Variants in TTC29 observed in about 807,000 individuals in gnomAD.
TTC29 encodes tetratricopeptide repeat domain 29.
In TTC29, 49 loss-of-function variants were observed where a neutral mutation model predicts 58.1. The observed-to-expected ratio is 0.84, with a 90% CI of 0.67 to 1.07. The LOEUF (loss-of-function observed/expected upper bound fraction) is 1.07. TTC29 is among the 50% of genes least tolerant of loss of function. TTC29 has a pLI of 0.00. For synonymous variants in TTC29, 209 were observed against 196.8 expected (o/e 1.06, Z -0.52); for missense variants, 582 against 555.6 (o/e 1.05, Z -0.48).
chr4:146,927,787 G>T (rs932563251), intron 4 of TTC29, among the ~76,000 whole-genome samples: 5 of 152,126 alleles, frequency 3.3e-5, no homozygotes, highest in Admixed American at 3.3e-4. Context: ...AGCTTGCCCA[G>T]TACACAAGGC....
At chr4:146,853,123 A>G (rs772269908) in intron 8 of TTC29, among the ~76,000 whole-genome samples, 14 of 152,164 alleles carry the variant, frequency 9.2e-5, no homozygotes, top group Non-Finnish European at 1.6e-4. Flanking sequence ...ATGGAAAGAT[A>G]TAATAGTTTA....
At chr4:146,798,886 C>CAAAAAAAA (rs70958529) in intron 11 of TTC29, among the ~76,000 whole-genome samples, 2 of 18,264 alleles carry the variant, frequency 1.1e-4, no homozygotes, top group African/African-American at 4.3e-4. Context: ...GACTCCGTCT[C>CAAAAAAAA]AAAAAAAAAA....
intron 6 of TTC29, among the ~76,000 whole-genome samples, chr4:146,887,155 T>C (rs1023760743): frequency 1.3e-5 from 2 of 152,168 alleles, no homozygotes; most frequent in Admixed American, 1.3e-4. Flanking sequence ...TTTGTGCCTA[T>C]AGATAATAAT....
intron 4 of TTC29, among the ~76,000 whole-genome samples, chr4:146,923,387 T>C (rs951652995): frequency 3.3e-5 from 5 of 151,780 alleles, no homozygotes; most frequent in Middle Eastern, 3.4e-3. Context: ...AAGTAGAGTT[T>C]ATCTCAGAAT....
intron 6 of TTC29, among the ~76,000 whole-genome samples, chr4:146,877,510 G>A (rs542833810): frequency 4.6e-5 from 7 of 151,960 alleles, no homozygotes; most frequent in Middle Eastern, 6.8e-3. Flanking sequence ...TCTCTCCCAC[G>A]TAGCACCTCT....
chr4:146,757,134 T>C (rs61305625), intron 11 of TTC29, among the ~76,000 whole-genome samples: 2 of 152,118 alleles, frequency 1.3e-5, no homozygotes, highest in Non-Finnish European at 2.9e-5. Flanking sequence ...AGGGTTGTTT[T>C]TCTGGTTTCT....
chr4:146,728,785 GTATATATACGTATATATACACA>G lies in TTC29; in HGVS notation c.1331-21256_1331-21235del, dbSNP rs1561066220. On this transcript the variant is annotated intron_variant, in intron 11 of 12. Transcript: ENST00000325106. Reference sequence around the variant, plus strand: ...TACATATATATACACATATATATGTGTATATATACGTATATATACACATATATATGTGTATATATACATATAT... The same window carrying G: ...TACATATATATACACATATATATGTGTATATATGTGTATATATACATATAT... Among the ~76,000 whole-genome samples the G allele has an allele frequency of 6.7e-5, 8 of 119,268 alleles. 1 individual carries two copies. The highest frequency in any genetic ancestry group is 1.6e-4 in the Admixed American group (2 of 12,382). The allele number at this position is 119,268 out of a possible 152,430, so 78.2% of individuals were successfully genotyped here.
chr4:146,865,696 A>G (rs1730520073), intron 8 of TTC29, among the ~76,000 whole-genome samples: 1 of 152,210 alleles, frequency 6.6e-6, no homozygotes, highest in Admixed American at 6.5e-5. Flanking sequence ...AGACTCGTCT[A>G]TAGTTAATAA....
intron 8 of TTC29, among the ~76,000 whole-genome samples, chr4:146,857,932 TA>T (rs1729977884): frequency 6.6e-6 from 1 of 152,182 alleles, no homozygotes; most frequent in African/African-American, 2.4e-5. Flanking sequence ...AATACAAAGA[TA>T]AATTTAGGTA....
chr4:146,721,699 A>T (rs533580296), intron 11 of TTC29, among the ~76,000 whole-genome samples: 31 of 152,290 alleles, frequency 2.0e-4, no homozygotes, highest in Non-Finnish European at 4.3e-4. Context: ...ACATATAGTA[A>T]AGACAAAGCT....
intron 7 of TTC29, 35 bp from the exon 8 acceptor site, chr4:146,867,618 C>T (rs1299675413): frequency 2.0e-6 from 2 of 1,000,886 alleles, no homozygotes; most frequent in Non-Finnish European, 2.9e-6. Context: ...ACCAAGTATT[C>T]AATAAATGAT....
intron 11 of TTC29, among the ~76,000 whole-genome samples, chr4:146,778,672 T>C (rs980795357): frequency 4.9e-4 from 75 of 152,260 alleles, no homozygotes; most frequent in African/African-American, 1.7e-3. Context: ...ATTTACTTTC[T>C]AGAAATGATG....
chr4:146,870,338 G>A (rs1050410023), intron 7 of TTC29, among the ~76,000 whole-genome samples: 6 of 152,078 alleles, frequency 3.9e-5, no homozygotes, highest in Admixed American at 2.6e-4. Context: ...AAACCAAAAT[G>A]TATGGGATAC....
chr4:146,795,741 AGAAATCTTATG>A (rs1287196528), intron 11 of TTC29, among the ~76,000 whole-genome samples: 1 of 152,216 alleles, frequency 6.6e-6, no homozygotes, highest in Admixed American at 6.5e-5. Context: ...TTTTTTCAGA[AGAAATCTTATG>A]GACCAAGAAC....
chr4:146,922,873 AT>A (rs1734687644), intron 4 of TTC29, among the ~76,000 whole-genome samples: 1 of 151,986 alleles, frequency 6.6e-6, no homozygotes, highest in South Asian at 2.1e-4. Flanking sequence ...TTTTACATAA[AT>A]AGGCACTTAT....
At chr4:146,758,780 T>C (rs1746645020) in intron 11 of TTC29, among the ~76,000 whole-genome samples, 1 of 152,066 alleles carries the variant, frequency 6.6e-6, no homozygotes, top group African/African-American at 2.4e-5. Flanking sequence ...ATTAAAAAAT[T>C]CTTCGAACTT....
chr4:146,797,059 A>G (rs986382995), intron 11 of TTC29, among the ~76,000 whole-genome samples: 3 of 152,176 alleles, frequency 2.0e-5, no homozygotes, highest in African/African-American at 7.2e-5. Flanking sequence ...CAACTAGGCA[A>G]TGAGATATGG....
Position 146,807,210 on chromosome 4 carries a change from A to G in TTC29, c.1102-3525T>C, listed in dbSNP as rs370778541. Among the ~76,000 whole-genome samples the G allele has an allele frequency of 1.4e-4, 22 of 152,372 alleles. No individual in the cohort carries two copies. The South Asian group carries it at 4.1e-3, about 29-fold the overall frequency. On this transcript the variant is annotated intron_variant, in intron 10 of 12. Transcript: ENST00000325106. ...ACCAATGAGAACAAAGACACAATGT[A>G]TCAGAATCTCTGGGACACAGCTAAA... is the stretch of plus-strand genomic sequence containing the variant.
chr4:146,834,825 A>G (rs1457346404), intron 8 of TTC29, among the ~76,000 whole-genome samples: 1 of 152,108 alleles, frequency 6.6e-6, no homozygotes, highest in South Asian at 2.1e-4. Flanking sequence ...TTGATATTTT[A>G]TTTGCTTCCT....
Sources: gnomAD v4.1 joint callset for allele counts (sites outside exome capture counted in the v4.1 genomes callset) on GRCh38, gnomAD v4.1.1 for gene constraint, MANE v1.5 for transcripts, NCBI Gene and HGNC (gene_info 2026-07-23, HGNC 2026-07-21) for gene names.